ATP2B4: variants seen among roughly 807,000 people sequenced by gnomAD.
ATP2B4 encodes plasma membrane calcium-transporting ATPase 4.
In ATP2B4, 39 loss-of-function variants were observed where a neutral mutation model predicts 110.3. The observed-to-expected ratio is 0.35, with a 90% CI of 0.27 to 0.46. The LOEUF (loss-of-function observed/expected upper bound fraction) is 0.46, where lower values mean the gene tolerates loss of function less well. Among genes scored for constraint, ATP2B4 ranks in the 20% least tolerant of loss-of-function variants. The probability of loss-of-function intolerance (pLI) is 1.00; values close to 1 mark genes in which losing one functional copy is unlikely to be tolerated. For missense variants in ATP2B4, 1,135 were observed against 1,530.9 expected (o/e 0.74, Z 4.32); for synonymous variants, 538 against 571.7 (o/e 0.94, Z 0.84).
chr1:203,657,126 A>G, intron 1 of ATP2B4: 1 of 830,588 alleles, frequency 1.2e-6, no homozygotes, highest in South Asian at 1.4e-5. Context: ...CCACAGTTGT[A>G]TACGGTGGGG....
In ATP2B4 at chr1:203,710,909, C is replaced by G. The variant is rs1188366508; in HGVS notation, c.1832C>G (p.Ala611Gly). 1.9e-6 allele frequency: 3 copies of G among 1,614,018 alleles called. No homozygotes were observed. The African/African-American group carries it at 4.0e-5, about 22-fold the overall frequency. Residue 611 changes from alanine (A) to glycine (G), a missense_variant, in exon 12 of 21, where the codon GCA becomes GGA. Physicochemically the swap from Ala to Gly is moderately conservative, Grantham distance 60. Around this residue, in one of 9 missense-constraint regions of ATP2B4, gnomAD observed 368 missense variants for 455.9 expected, o/e 0.81. Coordinates refer to ENST00000357681, the MANE Select transcript of ATP2B4 (RefSeq NM_001684.5). Reference protein sequence around the residue: ...CNRILDRKGEAVPFKNKDRDD... With the variant: ...CNRILDRKGEGVPFKNKDRDD... ...CGAATCCTGGACCGGAAAGGGGAAG[C>G]AGTGCCATTCAAGAATAAAGACAGA...
rs186506085 is a variant in ATP2B4 at position 203,693,900 on chromosome 1, A to G, written c.194-4257A>G. On this transcript the variant is annotated intron_variant, in intron 2 of 20. Transcript: ENST00000357681. ...CTAGGCAAACCAGGACAAGTTAGTC[A>G]CACTAGATTGAAGCCTCAGCTGAGT... Among the ~76,000 whole-genome samples, 43 of 152,312 alleles carry G rather than the reference A, an allele frequency of 2.8e-4. No individual in the cohort carries two copies. In the East Asian group the frequency reaches 8.1e-3, roughly 29 times the overall value.
intron 2 of ATP2B4, among the ~76,000 whole-genome samples, chr1:203,684,703 G>A (rs559286521): frequency 6.6e-6 from 1 of 152,034 alleles, no homozygotes; most frequent in South Asian, 2.1e-4. Context: ...AAGGAAATGG[G>A]ATGCTAAATC....
At chr1:203,705,297 T>C (rs1201349996) in intron 8 of ATP2B4, among the ~76,000 whole-genome samples, 1 of 152,190 alleles carries the variant, frequency 6.6e-6, no homozygotes, top group Non-Finnish European at 1.5e-5. Flanking sequence ...TATACATGGA[T>C]GAGATGAATT....
At chr1:203,630,344 C>G (rs1169051842) in intron 1 of ATP2B4, among the ~76,000 whole-genome samples, 5 of 135,830 alleles carry the variant, frequency 3.7e-5, no homozygotes, top group Non-Finnish European at 1.5e-5. Flanking sequence ...TCCGAAACCC[C>G]TTTTCTCTCT....
chr1:203,700,727 T>G (rs762195340), intron 5 of ATP2B4, 71 bp from the exon 6 acceptor site: 1 of 1,585,692 alleles, frequency 6.3e-7, no homozygotes, highest in Non-Finnish European at 8.6e-7. Context: ...CTTCTAAGTT[T>G]GTGTTTCATA....
At chr1:203,721,436 A>C in intron 17 of ATP2B4, 26 bp downstream of exon 17, 1 of 1,607,872 alleles carries the variant, frequency 6.2e-7, no homozygotes, top group South Asian at 1.1e-5. Context: ...GGTGGGTAGC[A>C]GCTGGGGTCC....
intron 8 of ATP2B4, among the ~76,000 whole-genome samples, chr1:203,706,099 C>G (rs1318635995): frequency 6.6e-6 from 1 of 152,216 alleles, no homozygotes; most frequent in Non-Finnish European, 1.5e-5. Flanking sequence ...TCCATCAGCC[C>G]TCAAAGCATC....
rs775021446 is a variant in ATP2B4, at chr1:203,722,429, C to A, written c.2813-49C>A. The A allele has an allele frequency of 4.9e-6, 7 of 1,442,532 alleles. No individual in the cohort carries two copies. In the South Asian group the frequency reaches 8.0e-5, roughly 17 times the overall value. The allele number at this position is 1,442,532 out of a possible 1,614,324, so 89.4% of individuals were successfully genotyped here. A position where few individuals can be genotyped will look rare whatever the true frequency, so the allele number is the denominator to read the frequency against. ...ATATCTGTACCAACACATTCTTACT[C>A]TTAGTTCAGACCACACTTAACCTCC... On this transcript the variant is annotated intron_variant, in intron 17 of 20. Transcript: ENST00000357681.
intron 5 of ATP2B4, 44 bp from the exon 6 acceptor site, chr1:203,700,754 T>C (rs1451669901): frequency 1.4e-5 from 22 of 1,609,496 alleles, no homozygotes; most frequent in Non-Finnish European, 1.9e-5. Flanking sequence ...CATGTCTAGG[T>C]ATTAAAAAAC....
At position 203,712,154 on chromosome 1, in the gene ATP2B4, G is replaced by A. The variant is rs751737233; in HGVS notation, c.2211+15G>A. The A allele has an allele frequency of 1.2e-6, 2 of 1,611,824 alleles. No homozygotes were observed. Among genetic ancestry groups the A allele is most frequent in the East Asian group, 4.5e-5 (2 of 44,856 alleles). On this transcript the variant is annotated intron_variant, in intron 13 of 20. Coordinates refer to ENST00000357681, the MANE Select transcript of ATP2B4 (RefSeq NM_001684.5). Reference sequence around the variant, plus strand: ...AGAAAGGCGAGGTGGGTCCTGGCTAGGGGGAACCAGGACCTCACCTGACAA... The same window carrying A: ...AGAAAGGCGAGGTGGGTCCTGGCTAAGGGGAACCAGGACCTCACCTGACAA...
At chr1:203,691,171 T>G (rs980292164) in intron 2 of ATP2B4, among the ~76,000 whole-genome samples, 1 of 152,198 alleles carries the variant, frequency 6.6e-6, no homozygotes, top group African/African-American at 2.4e-5. Context: ...CCCTTCCTGC[T>G]TTCTCTCCTG....
intron 1 of ATP2B4, among the ~76,000 whole-genome samples, chr1:203,679,462 T>A (rs1228843588): frequency 1.3e-5 from 2 of 152,230 alleles, no homozygotes; most frequent in Admixed American, 6.5e-5. Flanking sequence ...GGCAAACAAA[T>A]CTTTTCATTC....
chr1:203,742,397 T>A lies in ATP2B4; in HGVS notation c.*2543T>A, dbSNP rs920606274. The A allele has an allele frequency of 1.3e-5, 2 of 152,672 alleles. No individual in the cohort carries two copies. Among genetic ancestry groups the A allele is most frequent in the African/African-American group, 4.8e-5 (2 of 41,468 alleles). The allele number at this position is 152,672 out of a possible 1,614,324, so 9.5% of individuals were successfully genotyped here. ...GTAAGTTTAAGTGTCTATGTGCATATGTTTTTTATATAAGTTTTTTCTATT... is the reference window on the plus strand; with the variant it reads ...GTAAGTTTAAGTGTCTATGTGCATAAGTTTTTTATATAAGTTTTTTCTATT... On this transcript the variant is annotated 3_prime_UTR_variant, in exon 21 of 21. Coordinates refer to ENST00000357681, the MANE Select transcript of ATP2B4 (RefSeq NM_001684.5).
At chr1:203,637,871 A>G (rs1663504500) in intron 1 of ATP2B4, among the ~76,000 whole-genome samples, 1 of 152,182 alleles carries the variant, frequency 6.6e-6, no homozygotes, top group Admixed American at 6.5e-5. Context: ...AAAGGAGGAA[A>G]TGGAAATACT....
At chr1:203,653,978 TA>T (rs56310891) in intron 1 of ATP2B4, among the ~76,000 whole-genome samples, 7,593 of 114,166 alleles carry the variant, frequency 0.067, 326 homozygotes, top group African/African-American at 0.098. Context: ...TATATATATA[TA>T]TATATATTTT....
intron 19 of ATP2B4, among the ~76,000 whole-genome samples, chr1:203,725,904 C>CTTTTT (rs756184004): frequency 0.012 from 1,096 of 93,224 alleles, 33 homozygotes; most frequent in Non-Finnish European, 0.015. Flanking sequence ...CTTTTCTTTT[C>CTTTTT]TTTTTTTTTT....
At position 203,693,148 on chromosome 1, in the gene ATP2B4, A is replaced by T. The variant is rs368450920; in HGVS notation, c.194-5009A>T. Among the ~76,000 whole-genome samples the T allele has an allele frequency of 1.7e-4, 26 of 152,318 alleles. No individual in the cohort carries two copies. In the East Asian group the frequency reaches 5.0e-3, roughly 29 times the overall value. On this transcript the variant is annotated intron_variant, in intron 2 of 20. Coordinates refer to ENST00000357681, the MANE Select transcript of ATP2B4 (RefSeq NM_001684.5). ...GAGCATCTGAGAAACCACTGCAGAG[A>T]TCAGGGCCTTTTAGAGCCTTTTCCC...
At chr1:203,640,857 GTGAC>G (rs1214351858) in intron 1 of ATP2B4, among the ~76,000 whole-genome samples, 1 of 152,290 alleles carries the variant, frequency 6.6e-6, no homozygotes, top group Admixed American at 6.5e-5. Flanking sequence ...CCATGGCTGA[GTGAC>G]TGACTGGTTG....
Sources: gnomAD v4.1 joint callset for allele counts (sites outside exome capture counted in the v4.1 genomes callset) on GRCh38, gnomAD v4.1.1 for gene constraint, gnomAD v4.1.1 regional missense constraint, MANE v1.5 for transcripts, NCBI Gene and HGNC (gene_info 2026-07-23, HGNC 2026-07-21) for gene names.